The following MGST1 variants were observed in gnomAD, a reference collection of about 807,000 sequenced individuals.
The protein encoded by MGST1 is glutathione S-transferase 12.
MGST1 carries 5 observed loss-of-function variants against 8.9 expected under a neutral mutation model. The ratio of observed to expected loss-of-function variants is 0.56; its 90% confidence interval spans 0.29 to 1.19. MGST1 has a LOEUF of 1.19. Ranked by LOEUF, MGST1 falls within the 50% of genes most tolerant of loss-of-function variation. The pLI is 0.08. For synonymous variants in MGST1, 54 were observed against 67.8 expected, an observed-to-expected ratio of 0.80 and a Z score of 1.00; for missense variants, 182 against 187.4, an observed-to-expected ratio of 0.97 and a Z score of 0.17.
chr12:16,569,256 A>T (rs1942726276), intron 4 of MGST1, among the ~76,000 whole-genome samples: 1 of 152,192 alleles, frequency 6.6e-6, no homozygotes, highest in South Asian at 2.1e-4. Flanking sequence ...GAGAACCTAT[A>T]TCCCTTATCC....
intron 4 of MGST1, among the ~76,000 whole-genome samples, chr12:16,558,370 T>G (rs1029870199): frequency 6.6e-6 from 1 of 152,098 alleles, no homozygotes; most frequent in East Asian, 1.9e-4. Flanking sequence ...GCAATGACTT[T>G]ATGATTCCAT....
chr12:16,452,082 CT>C (rs1330424621), intron 4 of MGST1, among the ~76,000 whole-genome samples: 1 of 151,628 alleles, frequency 6.6e-6, no homozygotes, highest in Non-Finnish European at 1.5e-5. Context: ...ATTGATAACC[CT>C]AAGCAGTATT....
chr12:16,507,824 C>A (rs1472171291), intron 4 of MGST1, among the ~76,000 whole-genome samples: 1 of 152,006 alleles, frequency 6.6e-6, no homozygotes, highest in African/African-American at 2.4e-5. Context: ...CTCCCATTAG[C>A]CCCCTCCCCC....
intron 4 of MGST1, among the ~76,000 whole-genome samples, chr12:16,526,907 C>T (rs574087830): frequency 1.4e-4 from 22 of 151,988 alleles, no homozygotes; most frequent in Non-Finnish European, 3.1e-4. Flanking sequence ...ACTGTTGCTC[C>T]AAAACTCCCC....
At chr12:16,564,531 AG>A (rs1942522696) in intron 4 of MGST1, among the ~76,000 whole-genome samples, 1 of 152,224 alleles carries the variant, frequency 6.6e-6, no homozygotes, top group East Asian at 1.9e-4. Flanking sequence ...TACAGGCATC[AG>A]GGGAAAATGA....
Position 16,402,040 on chromosome 12 carries a change from T to C in MGST1, n.778+18436T>C, listed in dbSNP as rs992780851. Reference sequence around the variant, plus strand: ...ACTCCAATCTTCTTGCCATTCTTGCTTTCTTTAATGGCTTCAATCATTTTG... The same window carrying C: ...ACTCCAATCTTCTTGCCATTCTTGCCTTCTTTAATGGCTTCAATCATTTTG... On this transcript the variant is annotated intron_variant and non_coding_transcript_variant, in intron 1 of 1. Transcript: ENST00000359720. The C allele has an allele frequency of 1.9e-6, 3 of 1,587,736 alleles. No individual in the cohort carries two copies. The African/African-American group carries it at 4.0e-5, about 21-fold the overall frequency.
At chr12:16,415,450 C>T (rs2137078554) in intron 1 of MGST1, among the ~76,000 whole-genome samples, 1 of 152,256 alleles carries the variant, frequency 6.6e-6, no homozygotes, top group Admixed American at 6.5e-5. Flanking sequence ...GCCTTTGCCA[C>T]CCCTGAGAGA....
At chr12:16,449,890 T>C (rs1591732030) in intron 4 of MGST1, among the ~76,000 whole-genome samples, 1 of 151,902 alleles carries the variant, frequency 6.6e-6, no homozygotes, top group African/African-American at 2.4e-5. Context: ...CTCCACCTCA[T>C]TGGAATTGTG....
chr12:16,381,925 G>A (rs180961753), downstream of MGST1, among the ~76,000 whole-genome samples: 43 of 152,036 alleles, frequency 2.8e-4, no homozygotes, highest in African/African-American at 5.8e-4. Context: ...CCAGTTGATC[G>A]CATCAGCTAC....
At chr12:16,436,715 C>A (rs1940990842) in intron 1 of MGST1, among the ~76,000 whole-genome samples, 1 of 151,840 alleles carries the variant, frequency 6.6e-6, no homozygotes, top group African/African-American at 2.4e-5. Context: ...TTGAAATAAT[C>A]GCTATCATGA....
In MGST1 at chr12:16,560,421, A is replaced by G; in HGVS notation, n.483-29107A>G. 1 of 1,613,600 alleles carries G rather than the reference A, an allele frequency of 6.2e-7. No homozygotes were observed. On this transcript the variant is annotated intron_variant and non_coding_transcript_variant, in intron 4 of 4. Transcript: ENST00000538857. This position sits in a 1 kb window ranked among gnomAD's most constrained non-coding sequence, Gnocchi z 5.0. Reference sequence around the variant, plus strand: ...AAAAGAGACCTGCTTACCTCTGATTACAAAGCTGACATGCAAAGCAGTCCA... The same window carrying G: ...AAAAGAGACCTGCTTACCTCTGATTGCAAAGCTGACATGCAAAGCAGTCCA...
At chr12:16,512,517 A>G (rs1186643649) in intron 4 of MGST1, among the ~76,000 whole-genome samples, 3 of 152,372 alleles carry the variant, frequency 2.0e-5, no homozygotes, top group Non-Finnish European at 2.9e-5. Flanking sequence ...ATGTAAAAAC[A>G]ACTTCAAATA....
At chr12:16,495,042 A>G (rs558455743) in intron 4 of MGST1, among the ~76,000 whole-genome samples, 2 of 152,288 alleles carry the variant, frequency 1.3e-5, no homozygotes, top group East Asian at 3.9e-4. Flanking sequence ...GGAGTTAGGC[A>G]ATATACTTTT....
chr12:16,560,896 T>C lies in MGST1; in HGVS notation n.483-28632T>C. The C allele has an allele frequency of 5.1e-6, 1 of 196,168 alleles. No homozygotes were observed. The highest frequency in any genetic ancestry group is 1.1e-5 in the Non-Finnish European group (1 of 92,532). 12.2% of individuals were successfully genotyped at this position (196,168 alleles called of 1,614,324 possible). A position where few individuals can be genotyped will look rare whatever the true frequency, so the allele number is the denominator to read the frequency against. On this transcript the variant is annotated intron_variant and non_coding_transcript_variant, in intron 4 of 4. Coordinates refer to the MGST1 transcript ENST00000538857. This position sits in a 1 kb window ranked among gnomAD's most constrained non-coding sequence, Gnocchi z 5.0. The stretch of plus-strand genomic sequence containing the variant: ...ATAACTTTGCTCTTAATGTTATATA[T>C]TAAACATTTTAGTTGGGAAAGGAAC...
At chr12:16,468,217 C>T (rs1398591659) in intron 4 of MGST1, among the ~76,000 whole-genome samples, 1 of 152,074 alleles carries the variant, frequency 6.6e-6, no homozygotes, top group Non-Finnish European at 1.5e-5. Context: ...TGTTATTTAA[C>T]TAAAAGGTGA....
chr12:16,589,741 G>A (rs1565506220), downstream of MGST1, among the ~76,000 whole-genome samples: 4 of 152,036 alleles, frequency 2.6e-5, no homozygotes, highest in African/African-American at 7.2e-5. The surrounding 1 kb of genome is among the most constrained non-coding windows in gnomAD (Gnocchi z 4.2). Context: ...CTTGGAAGAC[G>A]AGGATCACCA....
chr12:16,474,830 A>G lies in MGST1; in HGVS notation n.482+91226A>G, dbSNP rs1483692165. The stretch of plus-strand genomic sequence containing the variant: ...TTGTGCATGGTGTTAAAGGTGTACT[A>G]AGTAGGTATTAATCTTATTTTCTCC... On this transcript the variant is annotated intron_variant and non_coding_transcript_variant, in intron 4 of 4. Coordinates refer to the MGST1 transcript ENST00000538857. Among the ~76,000 whole-genome samples, 18 of 152,212 alleles carry G rather than the reference A, an allele frequency of 1.2e-4. No homozygotes were observed. In the South Asian group the frequency reaches 3.3e-3, roughly 28 times the overall value.
At chr12:16,348,775 C>T (rs1195826343) in intron 1 of MGST1, 1 of 139,244 alleles carries the variant, frequency 7.2e-6, no homozygotes. Context: ...AATAAGAGGG[C>T]TATGTGTGCG....
At position 16,395,780 on chromosome 12, in the gene MGST1, C is replaced by CATATAT. The variant is rs369986291; in HGVS notation, n.778+12196_778+12201dup. 3.4e-4 allele frequency among the ~76,000 whole-genome samples: 42 copies of CATATAT among 121,878 alleles called. No homozygotes were observed. The South Asian group carries it at 7.5e-3, about 22-fold the overall frequency. The allele number at this position is 121,878 out of a possible 152,430, so 80.0% of individuals were successfully genotyped here. A position where few individuals can be genotyped will look rare whatever the true frequency, so the allele number is the denominator to read the frequency against. On this transcript the variant is annotated intron_variant and non_coding_transcript_variant, in intron 1 of 1. Transcript: ENST00000359720. Reference sequence around the variant, plus strand: ...CTTTAATGGCTGAGTAGTATTCCATCATATATATATATATATATATATATA... The same window carrying CATATAT: ...CTTTAATGGCTGAGTAGTATTCCATCATATATATATATATATATATATATATATATA...
Sources: allele counts gnomAD v4.1 joint callset (sites outside exome capture counted in the v4.1 genomes callset), GRCh38; gene constraint gnomAD v4.1.1; non-coding constraint Gnocchi (gnomAD v3.1); transcripts MANE v1.5; gene names NCBI Gene and HGNC (gene_info 2026-07-23, HGNC 2026-07-21).